The following CRTAC1 variants were observed in gnomAD, a reference collection of about 807,000 sequenced individuals.
The protein encoded by CRTAC1 is acidic secreted protein in cartilage.
A neutral mutation model predicts 67.8 loss-of-function variants in CRTAC1; 37 were observed. The ratio of observed to expected loss-of-function variants is 0.55; its 90% confidence interval spans 0.42 to 0.72. The LOEUF is 0.72. CRTAC1 is among the 30% of genes least tolerant of loss of function. The probability of loss-of-function intolerance (pLI) is 0.00; values close to 1 mark genes in which losing one functional copy is unlikely to be tolerated. For synonymous variants in CRTAC1, 348 were observed against 371.0 expected, an observed-to-expected ratio of 0.94 and a Z score of 0.71; for missense variants, 780 against 931.6, an observed-to-expected ratio of 0.84 and a Z score of 2.12.
chr10:97,975,098 C>G lies in CRTAC1; in HGVS notation c.224+36040G>C, dbSNP rs1192018088. On this transcript the variant is annotated intron_variant, in intron 2 of 14. Transcript: ENST00000370597. The surrounding 1 kb of genome is among the most constrained non-coding windows in gnomAD (Gnocchi z 4.8). ...TGGAGGGCCGGCCCGGGAGGAGCGG[C>G]GGAGGGGCCGGAGCCTACAGTTAAA... is the stretch of plus-strand genomic sequence containing the variant. 6.6e-6 allele frequency among the ~76,000 whole-genome samples: 1 copy of G among 151,948 alleles called. No individual in the cohort carries two copies. The highest frequency in any genetic ancestry group is 2.4e-5 in the African/African-American group (1 of 41,376).
intron 12 of CRTAC1, among the ~76,000 whole-genome samples, chr10:97,883,549 C>T (rs937519849): frequency 3.9e-5 from 6 of 152,214 alleles, no homozygotes; most frequent in South Asian, 2.1e-4. Context: ...CCTCTCCTCC[C>T]AAAGCCAGTG....
intron 11 of CRTAC1, among the ~76,000 whole-genome samples, chr10:97,887,952 A>C (rs575856331): frequency 6.6e-6 from 1 of 152,384 alleles, no homozygotes; most frequent in Admixed American, 6.5e-5. Context: ...TAACGCATCG[A>C]AACTTCACAT....
At chr10:98,020,379 T>C (rs1170753122) in intron 1 of CRTAC1, among the ~76,000 whole-genome samples, 6 of 152,186 alleles carry the variant, frequency 3.9e-5, no homozygotes, top group African/African-American at 1.4e-4. Flanking sequence ...TTAATACACA[T>C]AGTAAGCCTG....
At chr10:97,955,766 T>C (rs1244558289) in intron 2 of CRTAC1, among the ~76,000 whole-genome samples, 1 of 152,194 alleles carries the variant, frequency 6.6e-6, no homozygotes, top group Non-Finnish European at 1.5e-5. Context: ...AGGAGGACAC[T>C]GTTATCTACG....
At chr10:97,943,747 A>G (rs2051214988) in intron 2 of CRTAC1, among the ~76,000 whole-genome samples, 1 of 152,236 alleles carries the variant, frequency 6.6e-6, no homozygotes, top group Non-Finnish European at 1.5e-5. Flanking sequence ...GTTTTATTGG[A>G]ATGCAGACAT....
intron 14 of CRTAC1, chr10:97,871,529 T>G (rs2050093482): frequency 6.6e-6 from 1 of 152,232 alleles, no homozygotes; most frequent in Non-Finnish European, 1.5e-5. Flanking sequence ...AAACAGATAT[T>G]TATCCAAGGG....
chr10:97,887,281 G>A (rs1305374449), intron 11 of CRTAC1, among the ~76,000 whole-genome samples: 1 of 128,156 alleles, frequency 7.8e-6, no homozygotes, highest in East Asian at 2.3e-4. Flanking sequence ...TGCTCTTGTT[G>A]CCCAGGCTGG....
chr10:97,997,475 A>C (rs1018628676), intron 2 of CRTAC1, among the ~76,000 whole-genome samples: 10 of 145,684 alleles, frequency 6.9e-5, no homozygotes, highest in African/African-American at 2.5e-4. Context: ...AAAAAAAAAA[A>C]GTGTTTTCAA....
In CRTAC1 at chr10:97,975,669, C is replaced by T. The variant is rs1048811936; in HGVS notation, c.224+35469G>A. ...GAATGACAAAAAGGCGCCCCTTCCT[C>T]CAAGCCTGCACAGCCTCACACGGGG... On this transcript the variant is annotated intron_variant, in intron 2 of 14. Transcript: ENST00000370597. This position sits in a 1 kb window ranked among gnomAD's most constrained non-coding sequence, Gnocchi z 4.8. Among the ~76,000 whole-genome samples the T allele has an allele frequency of 1.3e-5, 2 of 152,328 alleles. No individual in the cohort carries two copies. The highest frequency in any genetic ancestry group is 2.9e-5 in the Non-Finnish European group (2 of 68,012).
chr10:97,899,856 C>T (rs1214832012), intron 8 of CRTAC1, among the ~76,000 whole-genome samples: 1 of 152,142 alleles, frequency 6.6e-6, no homozygotes, highest in Non-Finnish European at 1.5e-5. Flanking sequence ...TGGTCCTGAG[C>T]CCCATTGGAA....
intron 2 of CRTAC1, among the ~76,000 whole-genome samples, chr10:98,004,956 T>G (rs1590283766): frequency 6.7e-6 from 1 of 150,110 alleles, no homozygotes; most frequent in African/African-American, 2.4e-5. Context: ...CAGTTGTTAC[T>G]CTGGGAAGGG....
chr10:97,905,951 CAG>C (rs1341013384), intron 6 of CRTAC1, among the ~76,000 whole-genome samples: 11 of 152,260 alleles, frequency 7.2e-5, no homozygotes, highest in Middle Eastern at 6.8e-3. Flanking sequence ...GCTTGAGAGA[CAG>C]AGGTGAATGC....
At chr10:97,980,561 T>G (rs1246253445) in intron 2 of CRTAC1, among the ~76,000 whole-genome samples, 1 of 152,182 alleles carries the variant, frequency 6.6e-6, no homozygotes, top group Non-Finnish European at 1.5e-5. Context: ...AATGAGGTGA[T>G]AGTGTCACAG....
chr10:97,933,130 G>A (rs1336114120), intron 3 of CRTAC1, among the ~76,000 whole-genome samples: 2 of 152,254 alleles, frequency 1.3e-5, no homozygotes, highest in African/African-American at 4.8e-5. Flanking sequence ...ATGGCCAAGT[G>A]CCATGCCAGC....
chr10:97,894,458 A>T (rs1358029486), intron 11 of CRTAC1, among the ~76,000 whole-genome samples: 2 of 151,570 alleles, frequency 1.3e-5, no homozygotes, highest in Non-Finnish European at 2.9e-5. Context: ...GCAGTGGTGC[A>T]ATCACGGCTC....
chr10:97,915,325 G>A (rs2050743502), intron 5 of CRTAC1, among the ~76,000 whole-genome samples: 1 of 152,236 alleles, frequency 6.6e-6, no homozygotes, highest in Admixed American at 6.5e-5. Flanking sequence ...AACCTCCTGT[G>A]TGACCTTGGG....
chr10:98,002,100 T>C (rs370264476), intron 2 of CRTAC1, among the ~76,000 whole-genome samples: 11 of 152,276 alleles, frequency 7.2e-5, no homozygotes, highest in African/African-American at 2.6e-4. Flanking sequence ...CCCGCGGGAC[T>C]AAGAAGGTCC....
intron 4 of CRTAC1, among the ~76,000 whole-genome samples, chr10:97,922,664 C>T (rs200422447): frequency 1.3e-5 from 2 of 152,246 alleles, no homozygotes; most frequent in Non-Finnish European, 2.9e-5. Flanking sequence ...CTTCCCACTC[C>T]GTCTTTCCTC....
At chr10:97,924,437 CTGGGCCAGGG>C (rs2050884739) in intron 3 of CRTAC1, among the ~76,000 whole-genome samples, 1 of 152,168 alleles carries the variant, frequency 6.6e-6, no homozygotes, top group African/African-American at 2.4e-5. Flanking sequence ...ACTTGACTGT[CTGGGCCAGGG>C]AAGAGGCAGC....
Sources: gnomAD v4.1 joint callset for allele counts (sites outside exome capture counted in the v4.1 genomes callset) on GRCh38, gnomAD v4.1.1 for gene constraint, Gnocchi (gnomAD v3.1) non-coding constraint, MANE v1.5 for transcripts, NCBI Gene and HGNC (gene_info 2026-07-23, HGNC 2026-07-21) for gene names.